Variants in SCML2 observed in about 807,000 individuals in gnomAD.
SCML2 encodes the protein sex comb on midleg-like protein 2.
Under a neutral mutation model 48.4 loss-of-function variants are expected in SCML2, and 6 were observed. The observed-to-expected ratio is 0.12, with a 90% CI of 0.07 to 0.24. The LOEUF is 0.24. Ranked by LOEUF, SCML2 falls within the 10% of genes least tolerant of loss-of-function variation. The pLI is 1.00. For synonymous variants in SCML2, 181 were observed against 189.5 expected, an observed-to-expected ratio of 0.95 and a Z score of 0.37; for missense variants, 377 against 528.2, an observed-to-expected ratio of 0.71 and a Z score of 2.81.
At chrX:18,332,595 G>T (rs964593740) in intron 2 of SCML2, among the ~76,000 whole-genome samples, 3 of 111,973 alleles carry the variant, frequency 2.7e-5, no homozygotes, top group Non-Finnish European at 5.6e-5. Context: ...AAGAATGATA[G>T]AATACCTTCA....
chrX:18,337,592 C>G (rs1210178261), intron 1 of SCML2, among the ~76,000 whole-genome samples: 1 of 110,266 alleles, frequency 9.1e-6, no homozygotes, highest in Non-Finnish European at 1.9e-5. Context: ...GTGTATATGC[C>G]TAACAAGAGA....
At chrX:18,251,788 A>C (rs1926674464) in intron 11 of SCML2, among the ~76,000 whole-genome samples, 1 of 112,681 alleles carries the variant, frequency 8.9e-6, no homozygotes, top group Non-Finnish European at 1.9e-5. Context: ...TTTGTACCTG[A>C]GAGAACACGT....
chrX:18,272,966 C>T (rs1211633241), intron 7 of SCML2, among the ~76,000 whole-genome samples: 1 of 112,097 alleles, frequency 8.9e-6, no homozygotes, highest in Non-Finnish European at 1.9e-5. Flanking sequence ...AACAACATTT[C>T]CACAGATACA....
chrX:18,243,913 G>T (rs1055205208), intron 13 of SCML2, among the ~76,000 whole-genome samples: 1 of 111,928 alleles, frequency 8.9e-6, no homozygotes, highest in African/African-American at 3.2e-5. Context: ...GTTTTTTTGT[G>T]TGTGAATTAG....
intron 1 of SCML2, among the ~76,000 whole-genome samples, chrX:18,352,067 G>T (rs972628913): frequency 9.0e-6 from 1 of 111,688 alleles, no homozygotes; most frequent in African/African-American, 3.3e-5. Context: ...GCATCTGGGA[G>T]GAACAGGCAG....
intron 10 of SCML2, 57 bp from the exon 11 acceptor site, chrX:18,257,087 T>A: frequency 2.5e-6 from 2 of 800,871 alleles, no homozygotes; most frequent in African/African-American, 2.1e-5. Context: ...AATACAACAC[T>A]AATTAAAAAA....
At chrX:18,313,694 G>A (rs1260842036) in intron 6 of SCML2, among the ~76,000 whole-genome samples, 5 of 111,549 alleles carry the variant, frequency 4.5e-5, no homozygotes, top group African/African-American at 1.6e-4. Context: ...TATGGCAGCT[G>A]TTCCAAACCT....
At chrX:18,342,450 G>A (rs953941117) in intron 1 of SCML2, among the ~76,000 whole-genome samples, 4 of 111,632 alleles carry the variant, frequency 3.6e-5, no homozygotes, top group African/African-American at 9.8e-5. Flanking sequence ...AGTGGCTCAC[G>A]CCTGTAATCC....
intron 7 of SCML2, among the ~76,000 whole-genome samples, chrX:18,276,279 G>A (rs1927630289): frequency 2.0e-5 from 2 of 100,874 alleles, no homozygotes; most frequent in African/African-American, 7.5e-5. Context: ...GGGTGACAGA[G>A]CAAAACTCAG....
chrX:18,345,654 A>C (rs1432726382), intron 1 of SCML2, among the ~76,000 whole-genome samples: 1 of 110,772 alleles, frequency 9.0e-6, no homozygotes, highest in East Asian at 2.8e-4. Context: ...AGCCTCTCAA[A>C]GTGCTGGAAT....
intron 1 of SCML2, among the ~76,000 whole-genome samples, chrX:18,344,728 G>GT (rs1227337690): frequency 1.8e-5 from 2 of 111,824 alleles, no homozygotes; most frequent in African/African-American, 6.5e-5. Flanking sequence ...AGGTAGAACT[G>GT]TAAGTCCATT....
intron 7 of SCML2, among the ~76,000 whole-genome samples, chrX:18,302,048 G>A (rs1335135094): frequency 9.0e-6 from 1 of 111,366 alleles, no homozygotes; most frequent in East Asian, 2.8e-4. Flanking sequence ...ATAAAGTGAG[G>A]TAAGATTTCT....
At chrX:18,265,909 G>C in intron 7 of SCML2, 107 bp from the exon 8 acceptor site, 1 of 515,830 alleles carries the variant, frequency 1.9e-6, no homozygotes, top group Non-Finnish European at 3.0e-6. Context: ...ATTTCCAAAG[G>C]TTATTCACTG....
intron 6 of SCML2, among the ~76,000 whole-genome samples, chrX:18,311,631 C>A (rs1490116758): frequency 9.0e-6 from 1 of 111,522 alleles, no homozygotes; most frequent in East Asian, 2.8e-4. Context: ...AGTAGGAGAG[C>A]AGTAGGAAAT....
intron 1 of SCML2, among the ~76,000 whole-genome samples, chrX:18,346,159 T>C (rs887132218): frequency 7.2e-5 from 8 of 110,964 alleles, no homozygotes; most frequent in African/African-American, 2.6e-4. Context: ...TCTAAGTCAA[T>C]GGGCCAAGGA....
At chrX:18,244,667 C>T (rs752071425) in intron 13 of SCML2, among the ~76,000 whole-genome samples, 3 of 111,366 alleles carry the variant, frequency 2.7e-5, no homozygotes, top group Non-Finnish European at 5.7e-5. Flanking sequence ...TTCTCCTGAA[C>T]GGCTCTGTCT....
intron 11 of SCML2, 55 bp downstream of exon 11, chrX:18,256,793 A>C: frequency 2.1e-6 from 2 of 973,371 alleles, no homozygotes; most frequent in Non-Finnish European, 2.7e-6. Context: ...AGGAAAAACA[A>C]TTACACAAGA....
intron 7 of SCML2, among the ~76,000 whole-genome samples, chrX:18,285,826 C>T (rs1321782107): frequency 9.0e-6 from 1 of 111,512 alleles, no homozygotes; most frequent in Non-Finnish European, 1.9e-5. Context: ...TCTTTCTTGA[C>T]AATTTAAATT....
intron 6 of SCML2, among the ~76,000 whole-genome samples, chrX:18,315,096 C>G (rs1277560446): frequency 1.6e-5 from 1 of 63,317 alleles, no homozygotes; most frequent in Non-Finnish European, 2.6e-5. Flanking sequence ...GAGACTCTGT[C>G]TCACCAAAAA....
Sources: allele counts gnomAD v4.1 joint callset (sites outside exome capture counted in the v4.1 genomes callset), GRCh38; gene constraint gnomAD v4.1.1; transcripts MANE v1.5; gene names NCBI Gene and HGNC (gene_info 2026-07-23, HGNC 2026-07-21).